TERF2IP: variants seen among roughly 807,000 people sequenced by gnomAD.
TERF2IP encodes the protein telomeric repeat-binding factor 2-interacting protein 1.
A neutral mutation model predicts 33.3 loss-of-function variants in TERF2IP; 35 were observed. The ratio of observed to expected loss-of-function variants is 1.05; its 90% CI spans 0.80 to 1.39. TERF2IP has a LOEUF of 1.39. TERF2IP is among the 40% of genes most tolerant of loss of function. The pLI, the probability that TERF2IP is intolerant of heterozygous loss-of-function variation, is 0.00. For synonymous variants in TERF2IP, 253 were observed against 223.2 expected (o/e 1.13, Z -1.19); for missense variants, 583 against 524.8 (o/e 1.11, Z -1.08).
chr16:75,650,206 A>G (rs1239920714), intron 1 of TERF2IP, among the ~76,000 whole-genome samples: 5 of 152,202 alleles, frequency 3.3e-5, no homozygotes, highest in African/African-American at 1.2e-4. Flanking sequence ...ATAGAGAAAA[A>G]TAATTCAGAG....
At position 75,656,542 on chromosome 16, in the gene TERF2IP, C is replaced by T; in HGVS notation, c.1131C>T (p.Thr377=). 6.2e-7 allele frequency: 1 copy of T among 1,613,950 alleles called. No homozygotes were observed. Among genetic ancestry groups the T allele is most frequent in the Non-Finnish European group, 8.5e-7 (1 of 1,179,964 alleles). The stretch of plus-strand genomic sequence containing the variant: ...ATTTGCAAAAAGATGATGAGGATAC[C>T]AGAGAGGCATTGGTCAAAAAATTTG... ...DIDLQKDDED[T]REALVKKFGA... Residue 377 remains threonine, a synonymous_variant, in exon 3 of 3, where the codon ACC becomes ACT. Coordinates refer to ENST00000300086, the MANE Select transcript of TERF2IP (RefSeq NM_018975.4).
At chr16:75,652,070 A>C (rs1468552461) in intron 1 of TERF2IP, among the ~76,000 whole-genome samples, 1 of 152,202 alleles carries the variant, frequency 6.6e-6, no homozygotes, top group Non-Finnish European at 1.5e-5. Flanking sequence ...ATATTCCCTT[A>C]AACATGGCAG....
At chr16:75,648,933 C>T (rs2082325624) in intron 1 of TERF2IP, among the ~76,000 whole-genome samples, 2 of 151,988 alleles carry the variant, frequency 1.3e-5, no homozygotes, top group African/African-American at 4.8e-5. Context: ...GCGATCACGA[C>T]CTACTGCATC....
At chr16:75,652,656 CTT>C (rs2082356101) in intron 1 of TERF2IP, among the ~76,000 whole-genome samples, 2 of 152,254 alleles carry the variant, frequency 1.3e-5, no homozygotes, top group South Asian at 4.1e-4. Context: ...GTAAAATTAA[CTT>C]TTTATGGTGT....
chr16:75,653,849 A>G (rs1020951425), intron 1 of TERF2IP, among the ~76,000 whole-genome samples: 5 of 151,882 alleles, frequency 3.3e-5, no homozygotes, highest in Admixed American at 1.3e-4. Context: ...CTCTCTGCCC[A>G]CTCCTGCTCT....
chr16:75,648,559 A>T lies in TERF2IP; in HGVS notation c.670+7A>T. ...GAGGCCGCGGATAGCGGGGGTGAGGAGGCTGAGCGCGGGGCCTCGCGGATA... is the reference window on the plus strand; with the variant it reads ...GAGGCCGCGGATAGCGGGGGTGAGGTGGCTGAGCGCGGGGCCTCGCGGATA... On this transcript the variant is annotated splice_region_variant and intron_variant, in intron 1 of 2. Transcript: ENST00000300086. 6.5e-7 allele frequency: 1 copy of T among 1,537,880 alleles called. No homozygotes were observed. The highest frequency in any genetic ancestry group is 8.8e-7 in the Non-Finnish European group (1 of 1,137,936).
chr16:75,649,558 A>G (rs1164795674), intron 1 of TERF2IP, among the ~76,000 whole-genome samples: 1 of 151,646 alleles, frequency 6.6e-6, no homozygotes, highest in African/African-American at 2.4e-5. Flanking sequence ...AAAAAAAAAA[A>G]TTATCTCGTC....
rs1168949695 is a variant in TERF2IP, at chr16:75,656,509, T to C, written c.1098T>C (p.Asp366=). ...GATATCCCATTTGGTCCCGACAAGA[T>C]GACATAGATTTGCAAAAAGATGATG... ...ADGYPIWSRQ[D]DIDLQKDDED... is the part of the protein sequence containing the mutation. The change falls in exon 3 of 3, where the codon GAT becomes GAC. Residue 366 remains aspartate (D), a synonymous_variant. Transcript: ENST00000300086. The C allele has an allele frequency of 1.9e-6, 3 of 1,614,168 alleles. No homozygotes were observed. The highest frequency in any genetic ancestry group is 1.1e-5 in the South Asian group (1 of 91,082).
In TERF2IP at chr16:75,656,574, A is replaced by G. The variant is rs1394636813; in HGVS notation, c.1163A>G (p.Gln388Arg). ...REALVKKFGA[Q>R]NVARRIEFRK... ...GCATTGGTCAAAAAATTTGGTGCTC[A>G]GAATGTAGCTCGGAGGATTGAATTT... The change falls in exon 3 of 3, where the codon CAG becomes CGG. Residue 388 changes from glutamine (Q) to arginine (R), a missense_variant. By Grantham distance (43) the Gln-to-Arg change is conservative. Coordinates refer to ENST00000300086, the MANE Select transcript of TERF2IP (RefSeq NM_018975.4). 9.3e-6 allele frequency: 15 copies of G among 1,611,130 alleles called. No individual in the cohort carries two copies. In the Admixed American group the frequency reaches 2.5e-4, roughly 27 times the overall value.
rs202125558 is a variant in TERF2IP at position 75,654,974 on chromosome 16, C to T, written c.795+577C>T. 1.1e-4 allele frequency among the ~76,000 whole-genome samples: 17 copies of T among 152,018 alleles called. No homozygotes were observed. In the East Asian group the frequency reaches 2.3e-3, roughly 21 times the overall value. On this transcript the variant is annotated intron_variant, in intron 2 of 2. Transcript: ENST00000300086. ...CGATCTCCTGACCTCGTGATCCGCC[C>T]GCCTTGGCCTCCCAAAGTGCTGGGA...
chr16:75,653,481 C>T (rs1347623262), intron 1 of TERF2IP, among the ~76,000 whole-genome samples: 1 of 152,228 alleles, frequency 6.6e-6, no homozygotes, highest in Non-Finnish European at 1.5e-5. Flanking sequence ...AAAACTCCCT[C>T]TTGCTGCCCC....
chr16:75,653,440 C>T (rs1287773583), intron 1 of TERF2IP, among the ~76,000 whole-genome samples: 1 of 152,130 alleles, frequency 6.6e-6, no homozygotes, highest in Non-Finnish European at 1.5e-5. Context: ...AACCAGCACC[C>T]ACATTGGGAT....
Position 75,647,928 on chromosome 16 carries a change from C to T in TERF2IP, c.46C>T (p.His16Tyr), listed in dbSNP as rs371551592. The change falls in exon 1 of 3, where the codon CAT (histidine) becomes TAT (tyrosine). Residue 16 changes from histidine (H) to tyrosine (Y), a missense_variant. Physicochemically the swap from His to Tyr is moderately conservative, Grantham distance 83. Transcript: ENST00000300086. ...DLGKDPNGPT[H>Y]SSTLFVRDDG... ...GGGCAAAGACCCCAACGGGCCCACC[C>T]ATTCCTCGACTCTGTTCGTGAGGGA... 8 of 1,612,064 alleles carry T rather than the reference C, an allele frequency of 5.0e-6. No homozygotes were observed. The African/African-American group carries it at 1.1e-4, about 22-fold the overall frequency.
chr16:75,653,552 T>C (rs771078375), intron 1 of TERF2IP, among the ~76,000 whole-genome samples: 9 of 152,176 alleles, frequency 5.9e-5, no homozygotes, highest in Non-Finnish European at 1.2e-4. Context: ...GAACAAAATG[T>C]AAAGGAAAGG....
chr16:75,653,028 G>A (rs943402246), intron 1 of TERF2IP, among the ~76,000 whole-genome samples: 1 of 152,122 alleles, frequency 6.6e-6, no homozygotes, highest in Non-Finnish European at 1.5e-5. Flanking sequence ...GCCCTTTTGT[G>A]TCTGGCTTAT....
chr16:75,656,428 T>C lies in TERF2IP; in HGVS notation c.1017T>C (p.Asn339=), dbSNP rs781256024. ...CAGTTACACAGGCCTTCCTAAAAAA[T>C]AGTGGTGAGCTGGAGGCTACTTCCG... The part of the protein sequence containing the change: ...LSTVTQAFLK[N]SGELEATSAF... Residue 339 remains asparagine (N), a synonymous_variant, in exon 3 of 3, where the codon AAT becomes AAC. Transcript: ENST00000300086. The C allele has an allele frequency of 5.6e-6, 9 of 1,614,014 alleles. No individual in the cohort carries two copies. Among genetic ancestry groups the C allele is most frequent in the East Asian group, 2.2e-5 (1 of 44,890 alleles).
intron 1 of TERF2IP, among the ~76,000 whole-genome samples, chr16:75,652,304 CT>C (rs1337041921): frequency 6.6e-6 from 1 of 152,142 alleles, no homozygotes; most frequent in Admixed American, 6.6e-5. Context: ...AATTATTTAT[CT>C]TGAAGTGTTT....
chr16:75,649,031 T>TA (rs199548999), intron 1 of TERF2IP, among the ~76,000 whole-genome samples: 1,631 of 148,446 alleles, frequency 0.011, 10 homozygotes, highest in Admixed American at 0.013. Flanking sequence ...CCCGCTAAAT[T>TA]AAAAAAAAAA....
intron 2 of TERF2IP, among the ~76,000 whole-genome samples, chr16:75,655,626 A>G (rs1451268982): frequency 5.3e-5 from 8 of 152,226 alleles, no homozygotes; most frequent in African/African-American, 9.6e-5. Context: ...GCTCTCAAAC[A>G]TGACCTACCT....
Sources: allele counts gnomAD v4.1 joint callset (sites outside exome capture counted in the v4.1 genomes callset), GRCh38; gene constraint gnomAD v4.1.1; transcripts MANE v1.5; gene names NCBI Gene and HGNC (gene_info 2026-07-23, HGNC 2026-07-21).